EDIL3: variants seen among roughly 807,000 people sequenced by gnomAD.
The protein encoded by EDIL3 is EGF like and discoidin domains 3, also known as EGF-like repeat and discoidin I-like domain-containing protein 3.
Under a neutral mutation model 67.4 loss-of-function variants are expected in EDIL3, and 37 were observed. The observed-to-expected ratio is 0.55, with a 90% CI of 0.42 to 0.72. EDIL3 has a LOEUF of 0.72. Among genes scored for constraint, EDIL3 ranks in the 30% least tolerant of loss-of-function variants. EDIL3 has a pLI of 0.00. For missense variants in EDIL3, 527 were observed against 586.3 expected (o/e 0.90, Z 1.04); for synonymous variants, 195 against 196.3 (o/e 0.99, Z 0.05).
chr5:84,164,179 A>G (rs942022642), intron 4 of EDIL3, among the ~76,000 whole-genome samples: 2 of 152,054 alleles, frequency 1.3e-5, no homozygotes, highest in Admixed American at 1.3e-4. Flanking sequence ...CCTACATATG[A>G]AGAGACGTAG....
intron 1 of EDIL3, among the ~76,000 whole-genome samples, chr5:84,260,015 C>T (rs190007598): frequency 1.1e-4 from 16 of 152,144 alleles, no homozygotes; most frequent in Non-Finnish European, 2.2e-4. Flanking sequence ...GAAAGGACAG[C>T]TGATTTTGTT....
intron 9 of EDIL3, among the ~76,000 whole-genome samples, chr5:84,046,488 G>A (rs2386402): frequency 0.19 from 28,754 of 152,028 alleles, 3,002 homozygotes; most frequent in Admixed American, 0.24. Flanking sequence ...ACCACTGACT[G>A]GCTCTGCAAT....
chr5:83,979,190 G>A (rs138831361), intron 9 of EDIL3, among the ~76,000 whole-genome samples: 1 of 152,120 alleles, frequency 6.6e-6, no homozygotes, highest in East Asian at 1.9e-4. Context: ...TAGTAATCAC[G>A]GAAATACAAA....
At chr5:84,218,717 C>A (rs1271584373) in intron 3 of EDIL3, among the ~76,000 whole-genome samples, 1 of 152,178 alleles carries the variant, frequency 6.6e-6, no homozygotes, top group Non-Finnish European at 1.5e-5. Context: ...GCAGCACTCA[C>A]CACAAGTTGA....
intron 9 of EDIL3, among the ~76,000 whole-genome samples, chr5:83,977,565 T>C (rs1744896303): frequency 1.3e-5 from 2 of 151,860 alleles, no homozygotes; most frequent in African/African-American, 4.8e-5. Context: ...TATCTTTAAT[T>C]ATAAGTCTAT....
intron 9 of EDIL3, among the ~76,000 whole-genome samples, chr5:83,965,111 A>G (rs1007883861): frequency 1.3e-5 from 2 of 152,094 alleles, no homozygotes; most frequent in East Asian, 3.9e-4. Context: ...AGAGATTCTT[A>G]GCATAACGGA....
intron 1 of EDIL3, among the ~76,000 whole-genome samples, chr5:84,372,751 T>A (rs1161216159): frequency 6.6e-6 from 1 of 152,152 alleles, no homozygotes; most frequent in Non-Finnish European, 1.5e-5. Flanking sequence ...TCAACAGGGA[T>A]AATAAAAACG....
chr5:84,252,451 G>A (rs1745041104), intron 2 of EDIL3, among the ~76,000 whole-genome samples: 3 of 122,432 alleles, frequency 2.5e-5, no homozygotes, highest in Admixed American at 1.1e-4. Context: ...CTGAGATCGT[G>A]CCAGTGCACC....
intron 3 of EDIL3, among the ~76,000 whole-genome samples, chr5:84,184,123 AAAC>A (rs1749061108): frequency 1.3e-5 from 2 of 152,112 alleles, no homozygotes; most frequent in African/African-American, 4.8e-5. Flanking sequence ...AACAACAACA[AAAC>A]AACAACAACA....
intron 1 of EDIL3, among the ~76,000 whole-genome samples, chr5:84,342,569 A>G (rs1359204034): frequency 1.3e-5 from 2 of 152,086 alleles, no homozygotes. Flanking sequence ...AGATTTATAC[A>G]AATTAAAGAA....
intron 1 of EDIL3, among the ~76,000 whole-genome samples, chr5:84,333,402 T>C (rs1746915794): frequency 6.6e-6 from 1 of 152,104 alleles, no homozygotes; most frequent in South Asian, 2.1e-4. Flanking sequence ...AAAAAATAGT[T>C]CTGGGAAACT....
chr5:84,282,210 G>C (rs1479235515), intron 1 of EDIL3, among the ~76,000 whole-genome samples: 1 of 151,962 alleles, frequency 6.6e-6, no homozygotes. Context: ...AGATACAGTT[G>C]TAAGTCTCTG....
intron 4 of EDIL3, among the ~76,000 whole-genome samples, chr5:84,159,798 C>A (rs1748572000): frequency 1.3e-5 from 2 of 151,990 alleles, no homozygotes; most frequent in African/African-American, 4.8e-5. Flanking sequence ...ACACAGTATT[C>A]CCTCTGGGTT....
chr5:84,264,785 G>A (rs771248483), intron 1 of EDIL3, among the ~76,000 whole-genome samples: 2 of 152,050 alleles, frequency 1.3e-5, no homozygotes, highest in African/African-American at 4.8e-5. Flanking sequence ...ACATCATGAT[G>A]GCAACAGTTA....
intron 3 of EDIL3, among the ~76,000 whole-genome samples, chr5:84,204,395 T>A (rs987768275): frequency 1.1e-3 from 164 of 152,330 alleles, no homozygotes; most frequent in African/African-American, 3.7e-3. Flanking sequence ...TTTATTCTCA[T>A]CAAATGTAGA....
At chr5:84,258,827 G>A (rs1389275904) in intron 1 of EDIL3, among the ~76,000 whole-genome samples, 2 of 152,038 alleles carry the variant, frequency 1.3e-5, no homozygotes, top group Admixed American at 6.6e-5. Flanking sequence ...ATACACGGTA[G>A]GGATTTCTGA....
intron 1 of EDIL3, among the ~76,000 whole-genome samples, chr5:84,289,892 A>T (rs927074793): frequency 6.6e-6 from 1 of 152,224 alleles, no homozygotes; most frequent in Non-Finnish European, 1.5e-5. Context: ...ACATTAATAA[A>T]TTAGTTCTAT....
At chr5:84,202,448 A>G (rs1743863724) in intron 3 of EDIL3, among the ~76,000 whole-genome samples, 1 of 152,208 alleles carries the variant, frequency 6.6e-6, no homozygotes, top group Non-Finnish European at 1.5e-5. Context: ...AAAAAGAGCT[A>G]AGCAAAGTTT....
intron 9 of EDIL3, among the ~76,000 whole-genome samples, chr5:83,980,557 G>A (rs779221093): frequency 4.0e-5 from 6 of 151,226 alleles, no homozygotes; most frequent in Admixed American, 6.6e-5. Context: ...GCCTGGTGGC[G>A]CACACTTGCA....
Sources: gnomAD v4.1 joint callset for allele counts (sites outside exome capture counted in the v4.1 genomes callset) on GRCh38, gnomAD v4.1.1 for gene constraint, MANE v1.5 for transcripts, NCBI Gene and HGNC (gene_info 2026-07-23, HGNC 2026-07-21) for gene names.